ASAP1: variants seen among roughly 807,000 people sequenced by gnomAD.
The protein encoded by ASAP1 is ArfGAP with SH3 domain, ankyrin repeat and PH domain 1.
In ASAP1, 43 loss-of-function variants were observed where a neutral mutation model predicts 145.2. The ratio of observed to expected loss-of-function variants is 0.30; its 90% CI spans 0.23 to 0.38. The LOEUF is 0.38. Ranked by LOEUF, ASAP1 falls within the 10% of genes least tolerant of loss-of-function variation. The pLI, the probability that ASAP1 is intolerant of heterozygous loss-of-function variation, is 1.00. For synonymous variants in ASAP1, 546 were observed against 515.5 expected (o/e 1.06, Z -0.80); for missense variants, 1,018 against 1,355.3 (o/e 0.75, Z 3.91).
At position 130,054,490 on chromosome 8, in the gene ASAP1, C is replaced by T; in HGVS notation, c.*241G>A. 1 of 432,554 alleles carries T rather than the reference C, an allele frequency of 2.3e-6. No individual in the cohort carries two copies. Among genetic ancestry groups the T allele is most frequent in the Non-Finnish European group, 4.4e-6 (1 of 229,854 alleles). 26.8% of individuals were successfully genotyped at this position (432,554 alleles called of 1,614,324 possible). On this transcript the variant is annotated 3_prime_UTR_variant, in exon 30 of 30. Coordinates refer to ENST00000518721, the MANE Select transcript of ASAP1 (RefSeq NM_018482.4). ...AGAACAGCATAGAGAGATGTAAGTG[C>T]TAGATGCCAAGGATGGCTTTGGCAA... is the stretch of plus-strand genomic sequence containing the variant.
intron 1 of ASAP1, among the ~76,000 whole-genome samples, chr8:130,424,253 A>T (rs1385832130): frequency 6.6e-6 from 1 of 152,240 alleles, no homozygotes; most frequent in Non-Finnish European, 1.5e-5. Flanking sequence ...AGGCAAACTC[A>T]GTCAACCAGA....
intron 13 of ASAP1, among the ~76,000 whole-genome samples, chr8:130,145,681 T>C (rs1014152601): frequency 6.6e-6 from 1 of 152,200 alleles, no homozygotes. Flanking sequence ...CCATGCCATA[T>C]GTTTTACATA....
chr8:130,232,845 A>T (rs12676014), intron 4 of ASAP1, among the ~76,000 whole-genome samples: 12,192 of 152,246 alleles, frequency 0.08, 524 homozygotes, highest in African/African-American at 0.09. Flanking sequence ...TCACTTAAGC[A>T]TTGTGAGAAA....
intron 3 of ASAP1, among the ~76,000 whole-genome samples, chr8:130,258,566 C>T (rs1819707271): frequency 6.6e-6 from 1 of 152,190 alleles, no homozygotes; most frequent in South Asian, 2.1e-4. Flanking sequence ...GGTCTGCATT[C>T]AGGCTCTACC....
intron 2 of ASAP1, among the ~76,000 whole-genome samples, chr8:130,389,392 A>G (rs968790817): frequency 1.3e-5 from 2 of 152,202 alleles, no homozygotes; most frequent in African/African-American, 2.4e-5. Context: ...CTAATGCACT[A>G]ATTGTGTTTC....
chr8:130,397,830 C>T (rs1341086833), intron 2 of ASAP1, among the ~76,000 whole-genome samples: 1 of 152,244 alleles, frequency 6.6e-6, no homozygotes, highest in Non-Finnish European at 1.5e-5. Context: ...CATACTGAAC[C>T]TAACCTGGTG....
At chr8:130,092,719 AACAC>A (rs1006309765) in intron 24 of ASAP1, among the ~76,000 whole-genome samples, 9 of 152,092 alleles carry the variant, frequency 5.9e-5, no homozygotes, top group Non-Finnish European at 1.3e-4. Flanking sequence ...GGGAAAAACA[AACAC>A]ACACACACAT....
At chr8:130,241,274 C>A (rs1565125798) in intron 3 of ASAP1, among the ~76,000 whole-genome samples, 1 of 152,098 alleles carries the variant, frequency 6.6e-6, no homozygotes, top group South Asian at 2.1e-4. Flanking sequence ...ACCCTCGGCC[C>A]ACCCAAGGGT....
At chr8:130,151,705 C>T (rs924680171) in intron 13 of ASAP1, among the ~76,000 whole-genome samples, 1 of 152,162 alleles carries the variant, frequency 6.6e-6, no homozygotes, top group African/African-American at 2.4e-5. Flanking sequence ...AAGGACTGGG[C>T]CACAAGTGTA....
intron 5 of ASAP1, among the ~76,000 whole-genome samples, 169 bp downstream of exon 5, chr8:130,214,387 G>C (rs1327627992): frequency 1.3e-5 from 2 of 152,082 alleles, no homozygotes; most frequent in African/African-American, 4.8e-5. Context: ...CGACTAAAAA[G>C]CTTTTTAGTT....
chr8:130,395,980 T>A (rs1004913488), intron 2 of ASAP1, among the ~76,000 whole-genome samples: 5 of 152,180 alleles, frequency 3.3e-5, no homozygotes, highest in African/African-American at 1.2e-4. Context: ...TTCTGTTGTT[T>A]TAAGCCACCA....
chr8:130,419,857 C>T (rs1829643261), intron 1 of ASAP1, among the ~76,000 whole-genome samples: 1 of 152,164 alleles, frequency 6.6e-6, no homozygotes, highest in Non-Finnish European at 1.5e-5. Context: ...TTTCCAATAA[C>T]TCTTCCTCCT....
intron 3 of ASAP1, among the ~76,000 whole-genome samples, chr8:130,266,870 G>T (rs1235101989): frequency 6.6e-6 from 1 of 152,052 alleles, no homozygotes; most frequent in African/African-American, 2.4e-5. Flanking sequence ...CATTAAAATA[G>T]CTGATGAGAG....
chr8:130,371,705 G>C (rs1234977707), intron 2 of ASAP1, among the ~76,000 whole-genome samples: 1 of 152,188 alleles, frequency 6.6e-6, no homozygotes, highest in Non-Finnish European at 1.5e-5. Flanking sequence ...GGATCCTAAA[G>C]CAATATGATA....
At chr8:130,236,501 T>C (rs1217003266) in intron 4 of ASAP1, among the ~76,000 whole-genome samples, 1 of 152,054 alleles carries the variant, frequency 6.6e-6, no homozygotes, top group Admixed American at 6.6e-5. Flanking sequence ...CTTTGCCCCC[T>C]CCTCTCTAAC....
Position 130,215,975 on chromosome 8 carries a change from A to AAAAGGAAAGGAAAGGAAAGG in ASAP1, c.260-1294_260-1275dup, listed in dbSNP as rs201649133. Among the ~76,000 whole-genome samples, 216 of 128,296 alleles carry AAAAGGAAAGGAAAGGAAAGG rather than the reference A, an allele frequency of 1.7e-3. 3 individuals are homozygous for AAAAGGAAAGGAAAGGAAAGG. Among genetic ancestry groups the AAAAGGAAAGGAAAGGAAAGG allele is most frequent in the African/African-American group, 6.1e-3 (196 of 31,882 alleles). 84.2% of individuals were successfully genotyped at this position (128,296 alleles called of 152,430 possible). On this transcript the variant is annotated intron_variant, in intron 4 of 29. Transcript: ENST00000518721. The stretch of plus-strand genomic sequence containing the variant: ...GAAAGGGGAAAGAAAAAGAAAAAGA[A>AAAAGGAAAGGAAAGGAAAGG]AAAGGAAAGGAAAGGAAAGGAAAGG...
intron 3 of ASAP1, 98 bp downstream of exon 3, chr8:130,357,919 G>A (rs1826434641): frequency 6.8e-7 from 1 of 1,467,582 alleles, no homozygotes; most frequent in Admixed American, 2.1e-5. Context: ...TGGCGCCCCC[G>A]GCCCCCGCGT....
intron 3 of ASAP1, among the ~76,000 whole-genome samples, chr8:130,255,509 A>G (rs1469170020): frequency 6.6e-6 from 1 of 152,136 alleles, no homozygotes; most frequent in African/African-American, 2.4e-5. Flanking sequence ...ATAGCATTGT[A>G]TCACTCTGAT....
chr8:130,145,906 A>T lies in ASAP1; in HGVS notation c.1080+6830T>A, dbSNP rs557444549. 2.7e-5 allele frequency among the ~76,000 whole-genome samples: 4 copies of T among 146,738 alleles called. No homozygotes were observed. In the East Asian group the frequency reaches 8.0e-4, roughly 30 times the overall value. On this transcript the variant is annotated intron_variant, in intron 13 of 29. Coordinates refer to ENST00000518721, the MANE Select transcript of ASAP1 (RefSeq NM_018482.4). ...GCCCAGGGTGGGGTACGGTGGTGTG[A>T]TCTCGGCTCATTGCAACCTCTGCCA...
Sources: allele counts gnomAD v4.1 joint callset (sites outside exome capture counted in the v4.1 genomes callset), GRCh38; gene constraint gnomAD v4.1.1; transcripts MANE v1.5; gene names NCBI Gene and HGNC (gene_info 2026-07-23, HGNC 2026-07-21).